Variants in MCTP2 observed in about 807,000 individuals in gnomAD.
MCTP2 encodes the protein multiple C2 and transmembrane domain containing 2, also known as multiple C2 and transmembrane domain-containing protein 2.
A neutral mutation model predicts 111.6 loss-of-function variants in MCTP2; 132 were observed. The ratio of observed to expected loss-of-function variants is 1.18; its 90% CI spans 1.03 to 1.37. The LOEUF (loss-of-function observed/expected upper bound fraction) is 1.37, where lower values mean the gene tolerates loss of function less well. Among genes scored for constraint, MCTP2 ranks in the 40% most tolerant of loss-of-function variants. The pLI is 0.00. For missense variants in MCTP2, 1,183 were observed against 1,067.9 expected, an observed-to-expected ratio of 1.11 and a Z score of -1.50; for synonymous variants, 395 against 387.7, an observed-to-expected ratio of 1.02 and a Z score of -0.22.
Position 94,482,125 on chromosome 15 carries a change from C to T in MCTP2, c.*3091C>T, listed in dbSNP as rs768292119. 8 of 151,910 alleles carry T rather than the reference C, an allele frequency of 5.3e-5. No individual in the cohort carries two copies. The highest frequency in any genetic ancestry group is 1.9e-4 in the East Asian group (1 of 5,180). 9.4% of individuals were successfully genotyped at this position (151,910 alleles called of 1,614,324 possible). A position where few individuals can be genotyped will look rare whatever the true frequency, so the allele number is the denominator to read the frequency against. ...CATTTAACAAGTCTATATTGAATGC[C>T]GATAATTTTCTGGAACAAAACAGAC... On this transcript the variant is annotated 3_prime_UTR_variant, in exon 23 of 23. Coordinates refer to ENST00000357742, the MANE Select transcript of MCTP2 (RefSeq NM_001385001.1).
chr15:94,446,772 T>G (rs1049158793), intron 19 of MCTP2, among the ~76,000 whole-genome samples: 3 of 152,244 alleles, frequency 2.0e-5, no homozygotes, highest in African/African-American at 7.2e-5. Context: ...TGGGTTGGTT[T>G]GTTCATAACT....
intron 4 of MCTP2, among the ~76,000 whole-genome samples, chr15:94,322,348 G>C (rs748929058): frequency 1.3e-5 from 2 of 151,228 alleles, no homozygotes; most frequent in African/African-American, 4.9e-5. Flanking sequence ...ATCACTCTCT[G>C]CTAAGGAAGG....
intron 1 of MCTP2, among the ~76,000 whole-genome samples, chr15:94,233,860 A>G (rs918777926): frequency 5.3e-5 from 8 of 152,212 alleles, no homozygotes; most frequent in Non-Finnish European, 8.8e-5. Context: ...TGTGGAAAAC[A>G]CTTGCTTTCT....
At chr15:94,266,984 T>G (rs2152291259) in intron 1 of MCTP2, among the ~76,000 whole-genome samples, 1 of 152,352 alleles carries the variant, frequency 6.6e-6, no homozygotes, top group Admixed American at 6.5e-5. Context: ...CAGGAAGTAT[T>G]CAAGGGAATT....
chr15:94,390,100 A>ACG (rs1567603135), intron 14 of MCTP2, among the ~76,000 whole-genome samples: 988 of 82,488 alleles, frequency 0.012, 48 homozygotes, highest in African/African-American at 0.022. Context: ...GTATATATAT[A>ACG]TATATATATA....
intron 10 of MCTP2, 24 bp downstream of exon 10, chr15:94,358,636 G>T (rs775884332): frequency 6.2e-7 from 1 of 1,611,858 alleles, no homozygotes; most frequent in Non-Finnish European, 8.5e-7. Context: ...GCTTTCCAGT[G>T]GCGGGAGCAT....
chr15:94,335,930 G>C (rs1053776678), intron 4 of MCTP2, among the ~76,000 whole-genome samples: 1 of 151,996 alleles, frequency 6.6e-6, no homozygotes, highest in Non-Finnish European at 1.5e-5. Flanking sequence ...GAGTACTAGA[G>C]GAGAGATTTT....
intron 1 of MCTP2, among the ~76,000 whole-genome samples, chr15:94,254,849 C>G (rs549049775): frequency 2.0e-5 from 3 of 152,236 alleles, no homozygotes; most frequent in African/African-American, 7.2e-5. Context: ...CTAATGACTT[C>G]GCAAAAGAGA....
intron 1 of MCTP2, among the ~76,000 whole-genome samples, chr15:94,284,082 C>G (rs981684293): frequency 2.0e-5 from 3 of 152,172 alleles, no homozygotes; most frequent in Admixed American, 6.5e-5. Flanking sequence ...AATAGTTTGG[C>G]AATACCTAGC....
At chr15:94,269,568 A>G (rs2073796188) in intron 1 of MCTP2, among the ~76,000 whole-genome samples, 1 of 152,170 alleles carries the variant, frequency 6.6e-6, no homozygotes, top group Admixed American at 6.5e-5. Context: ...TCGTGGACAG[A>G]GCAGCTTTTA....
intron 2 of MCTP2, among the ~76,000 whole-genome samples, chr15:94,308,385 G>A (rs564285198): frequency 2.6e-5 from 4 of 152,156 alleles, no homozygotes; most frequent in Non-Finnish European, 5.9e-5. Context: ...GTGGTACAGT[G>A]AAAAGAGCAG....
chr15:94,451,382 C>G (rs1393681716), intron 19 of MCTP2, among the ~76,000 whole-genome samples: 1 of 152,076 alleles, frequency 6.6e-6, no homozygotes, highest in East Asian at 1.9e-4. Context: ...AAAGTAGACC[C>G]CTAAAGCATG....
intron 17 of MCTP2, 163 bp downstream of exon 17, chr15:94,402,182 C>A: frequency 1.2e-6 from 1 of 862,440 alleles, no homozygotes; most frequent in Non-Finnish European, 1.4e-6. Flanking sequence ...AAATCTTAGT[C>A]ATATATGGTC....
In MCTP2 at chr15:94,482,859, C is replaced by T. The variant is rs2074793453; in HGVS notation, c.*3825C>T. On this transcript the variant is annotated 3_prime_UTR_variant, in exon 23 of 23. Coordinates refer to ENST00000357742, the MANE Select transcript of MCTP2 (RefSeq NM_001385001.1). Reference sequence around the variant, plus strand: ...AGTGGCAGAGCATACTGCAAGAAAGCTGATGTGGTCAATAATATCAAATGC... The same window carrying T: ...AGTGGCAGAGCATACTGCAAGAAAGTTGATGTGGTCAATAATATCAAATGC... 1 of 152,164 alleles carries T rather than the reference C, an allele frequency of 6.6e-6. No homozygotes were observed. Among genetic ancestry groups the T allele is most frequent in the Admixed American group, 6.6e-5 (1 of 15,266 alleles). 9.4% of individuals were successfully genotyped at this position (152,164 alleles called of 1,614,324 possible). A position where few individuals can be genotyped will look rare whatever the true frequency, so the allele number is the denominator to read the frequency against.
intron 14 of MCTP2, among the ~76,000 whole-genome samples, chr15:94,388,315 G>A (rs1368851043): frequency 2.0e-5 from 3 of 152,132 alleles, no homozygotes; most frequent in Admixed American, 6.5e-5. Context: ...AGATGCTTCG[G>A]CTGCTGCTGT....
At chr15:94,294,924 A>G (rs371337554) in intron 1 of MCTP2, among the ~76,000 whole-genome samples, 2 of 79,738 alleles carry the variant, frequency 2.5e-5, no homozygotes, top group East Asian at 3.1e-4. Flanking sequence ...TTTTCTCTTT[A>G]TTTTTCTTTT....
At chr15:94,408,592 G>A (rs1451314495) in intron 17 of MCTP2, among the ~76,000 whole-genome samples, 1 of 152,034 alleles carries the variant, frequency 6.6e-6, no homozygotes, top group Non-Finnish European at 1.5e-5. Flanking sequence ...CTATTGGCAG[G>A]TTCTCAGGCA....
At chr15:94,429,757 C>G (rs559408800) in intron 17 of MCTP2, among the ~76,000 whole-genome samples, 2 of 152,128 alleles carry the variant, frequency 1.3e-5, no homozygotes, top group Non-Finnish European at 2.9e-5. Flanking sequence ...CACAAATTTA[C>G]GTATCTAACC....
intron 20 of MCTP2, among the ~76,000 whole-genome samples, chr15:94,464,257 T>TATTATATATATATATATATTATA (rs4001978): frequency 1.6e-4 from 7 of 44,946 alleles, no homozygotes; most frequent in African/African-American, 4.2e-4. Flanking sequence ...TATATATATA[T>TATTATATATATATATATATTATA]TATATATATA....
Sources: gnomAD v4.1 joint callset for allele counts (sites outside exome capture counted in the v4.1 genomes callset) on GRCh38, gnomAD v4.1.1 for gene constraint, MANE v1.5 for transcripts, NCBI Gene and HGNC (gene_info 2026-07-23, HGNC 2026-07-21) for gene names.